STK3: variants seen among roughly 807,000 people sequenced by gnomAD.
The protein encoded by STK3 is serine/threonine-protein kinase 3.
Under a neutral mutation model 58.0 loss-of-function variants are expected in STK3, and 41 were observed. That is an observed-to-expected ratio of 0.71 (90% CI 0.55 to 0.92). STK3 has a LOEUF of 0.92. Ranked by LOEUF, STK3 falls within the 40% of genes least tolerant of loss-of-function variation. The pLI is 0.00. For missense variants in STK3, 479 were observed against 602.7 expected (o/e 0.79, Z 2.15); for synonymous variants, 170 against 191.0 (o/e 0.89, Z 0.91).
Position 98,932,985 on chromosome 8 carries a change from TTCC to T in STK3, c.-79+9390_-79+9392del, listed in dbSNP as rs567956783. ...AGTCAGCTAGTTTGAGGAAATTACT[TTCC>T]TCCTGAGCCTCTGTGGCCACATAGG... On this transcript the variant is annotated intron_variant, in intron 1 of 1. Transcript: ENST00000519420. Among the ~76,000 whole-genome samples the T allele has an allele frequency of 3.1e-3, 467 of 152,260 alleles. 2 individuals carry two copies. The highest frequency in any genetic ancestry group is 0.011 in the African/African-American group (445 of 41,546).
At chr8:98,892,385 G>C (rs1281344580) in intron 1 of STK3, among the ~76,000 whole-genome samples, 1 of 152,162 alleles carries the variant, frequency 6.6e-6, no homozygotes, top group Non-Finnish European at 1.5e-5. Flanking sequence ...ATCTTTCTAA[G>C]ATGCAGATCT....
intron 2 of STK3, among the ~76,000 whole-genome samples, chr8:98,772,160 C>G (rs1831354422): frequency 6.6e-6 from 1 of 152,138 alleles, no homozygotes; most frequent in South Asian, 2.1e-4. Flanking sequence ...TGGGTTACTT[C>G]AGATTATGTT....
downstream of STK3, among the ~76,000 whole-genome samples, chr8:98,400,838 C>T (rs1392841901): frequency 6.6e-6 from 1 of 152,074 alleles, no homozygotes; most frequent in African/African-American, 2.4e-5. Flanking sequence ...TGGGGACTGC[C>T]CTGCCCCTCA....
At chr8:98,736,319 C>T (rs1160763752) in intron 4 of STK3, among the ~76,000 whole-genome samples, 2 of 152,064 alleles carry the variant, frequency 1.3e-5, no homozygotes, top group African/African-American at 4.8e-5. Context: ...AGGGATAACA[C>T]TAAAAGAAGT....
At chr8:98,560,355 T>C (rs558952206) in intron 8 of STK3, among the ~76,000 whole-genome samples, 1 of 152,076 alleles carries the variant, frequency 6.6e-6, no homozygotes, top group Non-Finnish European at 1.5e-5. Flanking sequence ...AAAATTAGTG[T>C]GTGTGGCAAC....
downstream of STK3, among the ~76,000 whole-genome samples, chr8:98,398,859 T>C (rs9297284): frequency 0.22 from 32,760 of 152,140 alleles, 4,215 homozygotes; most frequent in African/African-American, 0.36. Context: ...CCTTTCTCTG[T>C]GATAAAGAGG....
chr8:98,683,263 G>A (rs1053459258), intron 6 of STK3, among the ~76,000 whole-genome samples: 1 of 151,970 alleles, frequency 6.6e-6, no homozygotes, highest in Non-Finnish European at 1.5e-5. Context: ...CAAGCTGTGA[G>A]GGATGACAGC....
At chr8:98,736,994 C>T (rs1187935982) in intron 4 of STK3, among the ~76,000 whole-genome samples, 1 of 152,138 alleles carries the variant, frequency 6.6e-6, no homozygotes, top group African/African-American at 2.4e-5. Flanking sequence ...GTTAAGGTCT[C>T]ACATCAGAAC....
intron 3 of STK3, among the ~76,000 whole-genome samples, chr8:98,402,186 T>A (rs1274646594): frequency 6.6e-6 from 1 of 152,204 alleles, no homozygotes; most frequent in Non-Finnish European, 1.5e-5. Flanking sequence ...CATCATTATC[T>A]TCTTTTTCCT....
At chr8:98,462,267 C>T (rs1253873676) in intron 10 of STK3, among the ~76,000 whole-genome samples, 1 of 151,346 alleles carries the variant, frequency 6.6e-6, no homozygotes, top group Admixed American at 6.6e-5. Flanking sequence ...CTCACCGCAA[C>T]TGATGAGAAA....
chr8:98,905,742 G>A, intron 1 of STK3: 1 of 508,878 alleles, frequency 2.0e-6, no homozygotes, highest in Non-Finnish European at 3.6e-6. Context: ...AAAATCGTTT[G>A]TCTTGATAAA....
At chr8:98,387,500 G>C (rs892611875) in intron 1 of STK3, among the ~76,000 whole-genome samples, 2 of 152,230 alleles carry the variant, frequency 1.3e-5, no homozygotes, top group Non-Finnish European at 2.9e-5. Context: ...TGTAACCCCA[G>C]CACTTCGGGA....
chr8:98,370,738 T>C (rs979136389), downstream of STK3, among the ~76,000 whole-genome samples: 6 of 152,210 alleles, frequency 3.9e-5, no homozygotes, highest in African/African-American at 1.4e-4. Context: ...CAGAGCCAGA[T>C]AAAATGTAAG....
chr8:98,707,774 C>T (rs993389963), intron 4 of STK3, among the ~76,000 whole-genome samples: 1 of 152,084 alleles, frequency 6.6e-6, no homozygotes, highest in African/African-American at 2.4e-5. Flanking sequence ...TCGAGAACCT[C>T]TTCTTCCCAC....
intron 1 of STK3, among the ~76,000 whole-genome samples, chr8:98,818,097 C>G (rs969910527): frequency 6.6e-6 from 1 of 152,222 alleles, no homozygotes; most frequent in Non-Finnish European, 1.5e-5. Flanking sequence ...GCTTTCCCCC[C>G]TGCCTGGAAT....
chr8:98,893,464 A>G (rs1231924981), intron 1 of STK3, among the ~76,000 whole-genome samples: 1 of 106,486 alleles, frequency 9.4e-6, no homozygotes, highest in African/African-American at 4.3e-5. Context: ...GAAAGAAAGA[A>G]AGAAAGAAAG....
chr8:98,632,194 T>C (rs993383886), intron 6 of STK3, among the ~76,000 whole-genome samples: 2 of 152,072 alleles, frequency 1.3e-5, no homozygotes, highest in African/African-American at 4.8e-5. Flanking sequence ...TGGTAATATA[T>C]AAAAATGTAA....
At chr8:98,628,375 T>A (rs1201871568) in intron 6 of STK3, among the ~76,000 whole-genome samples, 1 of 152,218 alleles carries the variant, frequency 6.6e-6, no homozygotes, top group African/African-American at 2.4e-5. Context: ...AGATTACTCA[T>A]GCTAGACTTT....
intron 1 of STK3, among the ~76,000 whole-genome samples, chr8:98,783,581 G>A (rs1489998282): frequency 2.0e-5 from 3 of 152,196 alleles, no homozygotes; most frequent in African/African-American, 7.2e-5. Context: ...TGGGTTAGCT[G>A]TGGAAATTTC....
Sources: allele counts gnomAD v4.1 joint callset (sites outside exome capture counted in the v4.1 genomes callset), GRCh38; gene constraint gnomAD v4.1.1; transcripts MANE v1.5; gene names NCBI Gene and HGNC (gene_info 2026-07-23, HGNC 2026-07-21).